The following ZCWPW2 variants were observed in gnomAD, a reference collection of about 807,000 sequenced individuals.
The protein encoded by ZCWPW2 is zinc finger CW-type and PWWP domain containing 2, also known as zinc finger CW-type PWWP domain protein 2.
Under a neutral mutation model 46.6 loss-of-function variants are expected in ZCWPW2, and 45 were observed. That is an observed-to-expected ratio of 0.96 (90% confidence interval 0.76 to 1.24). The LOEUF (loss-of-function observed/expected upper bound fraction) is 1.24, where lower values mean the gene tolerates loss of function less well. Ranked by LOEUF, ZCWPW2 falls within the 50% of genes most tolerant of loss-of-function variation. The pLI, the probability that ZCWPW2 is intolerant of heterozygous loss-of-function variation, is 0.00. For synonymous variants in ZCWPW2, 152 were observed against 137.1 expected, an observed-to-expected ratio of 1.11 and a Z score of -0.76; for missense variants, 429 against 403.9, an observed-to-expected ratio of 1.06 and a Z score of -0.53.
chr3:28,431,606 T>C (rs1348621902), intron 3 of ZCWPW2, among the ~76,000 whole-genome samples: 1 of 152,150 alleles, frequency 6.6e-6, no homozygotes, highest in East Asian at 1.9e-4. Flanking sequence ...CATCTGAAGC[T>C]AGGACTTCAG....
At chr3:28,393,933 C>A (rs986199833) in intron 2 of ZCWPW2, among the ~76,000 whole-genome samples, 1 of 151,842 alleles carries the variant, frequency 6.6e-6, no homozygotes, top group African/African-American at 2.4e-5. Context: ...TTAGCCAGAG[C>A]AATTAGGCAA....
chr3:28,433,980 A>G (rs1014185577), intron 3 of ZCWPW2, among the ~76,000 whole-genome samples: 5 of 149,808 alleles, frequency 3.3e-5, no homozygotes, highest in African/African-American at 1.2e-4. Context: ...CTCTTATAAT[A>G]CCCTTGAATC....
intron 1 of ZCWPW2, among the ~76,000 whole-genome samples, chr3:28,382,636 C>A (rs914058403): frequency 6.6e-6 from 1 of 151,980 alleles, no homozygotes; most frequent in Admixed American, 6.6e-5. Flanking sequence ...TGGTTATTTT[C>A]TCCATTTTCA....
intron 1 of ZCWPW2, among the ~76,000 whole-genome samples, chr3:28,386,995 C>T (rs1160096569): frequency 2.0e-5 from 3 of 152,182 alleles, no homozygotes; most frequent in African/African-American, 7.2e-5. Context: ...CTTCCTGTTC[C>T]TCCTGAATAT....
chr3:28,502,736 C>T (rs1385941159), intron 6 of ZCWPW2, among the ~76,000 whole-genome samples: 2 of 152,046 alleles, frequency 1.3e-5, no homozygotes, highest in African/African-American at 2.4e-5. Context: ...TGCTTATTGT[C>T]GCTAGGGTTG....
chr3:28,435,556 G>T (rs1303430380), intron 4 of ZCWPW2, among the ~76,000 whole-genome samples: 1 of 150,032 alleles, frequency 6.7e-6, no homozygotes, highest in East Asian at 2.0e-4. Context: ...CGCGATCTCG[G>T]CTCACTGCAA....
At chr3:28,350,578 T>C (rs1245680830) in intron 1 of ZCWPW2, among the ~76,000 whole-genome samples, 1 of 152,176 alleles carries the variant, frequency 6.6e-6, no homozygotes, top group Non-Finnish European at 1.5e-5. Context: ...AGTTTTTCTT[T>C]TTGGGTTGTA....
intron 5 of ZCWPW2, among the ~76,000 whole-genome samples, chr3:28,491,711 AATAAG>A (rs1260482369): frequency 1.3e-5 from 2 of 152,106 alleles, no homozygotes; most frequent in African/African-American, 4.8e-5. Context: ...ATGAGAATTA[AATAAG>A]ATATCTATAT....
At chr3:28,383,878 A>T (rs932070646) in intron 1 of ZCWPW2, among the ~76,000 whole-genome samples, 10 of 152,124 alleles carry the variant, frequency 6.6e-5, no homozygotes, top group Non-Finnish European at 1.3e-4. Context: ...CTTACTTTTA[A>T]AACTGGATTT....
chr3:28,507,957 C>A (rs1457080124), intron 6 of ZCWPW2, among the ~76,000 whole-genome samples: 1 of 151,984 alleles, frequency 6.6e-6, no homozygotes, highest in Non-Finnish European at 1.5e-5. Context: ...TGTCTTAGTT[C>A]ATTTAGTGTT....
At chr3:28,456,761 G>A (rs1698438018) in intron 4 of ZCWPW2, among the ~76,000 whole-genome samples, 1 of 152,102 alleles carries the variant, frequency 6.6e-6, no homozygotes, top group South Asian at 2.1e-4. Context: ...CTGTTTATGT[G>A]ATTCATCACA....
intron 2 of ZCWPW2, among the ~76,000 whole-genome samples, chr3:28,404,224 G>T (rs1391967387): frequency 6.7e-6 from 1 of 150,074 alleles, no homozygotes; most frequent in Non-Finnish European, 1.5e-5. Flanking sequence ...CTAAGGACAT[G>T]AATACACAAT....
intron 4 of ZCWPW2, among the ~76,000 whole-genome samples, chr3:28,459,684 C>T (rs948413401): frequency 5.9e-5 from 9 of 152,138 alleles, no homozygotes; most frequent in African/African-American, 2.2e-4. Flanking sequence ...GATTTTCTCT[C>T]TGCTGTGACA....
At chr3:28,478,292 G>T in intron 4 of ZCWPW2, 1 of 313,824 alleles carries the variant, frequency 3.2e-6, no homozygotes, top group Non-Finnish European at 6.6e-6. Context: ...CACCTAGACT[G>T]GAGTGCAGTG....
At chr3:28,401,469 C>A (rs570203901) in intron 2 of ZCWPW2, among the ~76,000 whole-genome samples, 1 of 152,200 alleles carries the variant, frequency 6.6e-6, no homozygotes, top group South Asian at 2.1e-4. Flanking sequence ...ATGAGATAGA[C>A]AGCAACACAG....
Position 28,452,815 on chromosome 3 carries a change from A to G in ZCWPW2, c.492+17546A>G, listed in dbSNP as rs372785310. On this transcript the variant is annotated intron_variant, in intron 4 of 9. Coordinates refer to ENST00000383768, the MANE Select transcript of ZCWPW2 (RefSeq NM_001040432.4). ...CCCATCTCTATAGGGGAGAGTACCA[A>G]AAAGATGCTGAGAACAATAAGGTGG... Among the ~76,000 whole-genome samples the G allele has an allele frequency of 6.6e-5, 10 of 152,334 alleles. No homozygotes were observed. In the South Asian group the frequency reaches 2.1e-3, roughly 32 times the overall value.
At chr3:28,351,910 T>C (rs1009819280) in intron 1 of ZCWPW2, among the ~76,000 whole-genome samples, 1 of 152,108 alleles carries the variant, frequency 6.6e-6, no homozygotes, top group Non-Finnish European at 1.5e-5. Flanking sequence ...AGAAACTTCT[T>C]CCTCTGTTTT....
intron 4 of ZCWPW2, among the ~76,000 whole-genome samples, chr3:28,445,956 A>G (rs889214859): frequency 1.3e-5 from 2 of 152,192 alleles, no homozygotes; most frequent in African/African-American, 4.8e-5. Context: ...GATTAATAAG[A>G]TGTTCAATAT....
chr3:28,425,756 A>T (rs1167350706), intron 3 of ZCWPW2, among the ~76,000 whole-genome samples: 1 of 152,220 alleles, frequency 6.6e-6, no homozygotes, highest in Non-Finnish European at 1.5e-5. Flanking sequence ...GAATAATCAA[A>T]TTATAACAGT....
Sources: gnomAD v4.1 joint callset for allele counts (sites outside exome capture counted in the v4.1 genomes callset) on GRCh38, gnomAD v4.1.1 for gene constraint, MANE v1.5 for transcripts, NCBI Gene and HGNC (gene_info 2026-07-23, HGNC 2026-07-21) for gene names.